The following AGMO variants were observed in gnomAD, a reference collection of about 807,000 sequenced individuals.
The protein encoded by AGMO is glyceryl-ether monooxygenase.
A neutral mutation model predicts 60.2 loss-of-function variants in AGMO; 75 were observed. The observed-to-expected ratio is 1.25, with a 90% confidence interval of 1.03 to 1.51. The LOEUF (loss-of-function observed/expected upper bound fraction) is 1.51. AGMO is among the 40% of genes most tolerant of loss of function. The probability of loss-of-function intolerance (pLI) is 0.00; values close to 1 mark genes in which losing one functional copy is unlikely to be tolerated. For synonymous variants in AGMO, 261 were observed against 177.1 expected (o/e 1.47, Z -3.76); for missense variants, 763 against 525.5 (o/e 1.45, Z -4.42).
At chr7:15,467,265 T>C (rs577710833) in intron 3 of AGMO, among the ~76,000 whole-genome samples, 2 of 152,240 alleles carry the variant, frequency 1.3e-5, no homozygotes, top group South Asian at 4.1e-4. Flanking sequence ...GTGGAACATA[T>C]TGAGTAGCTA....
rs1201979483 is a variant in AGMO, at chr7:15,529,784, A to C, written c.409+14988T>G. 2.3e-4 allele frequency among the ~76,000 whole-genome samples: 22 copies of C among 95,138 alleles called. 8 individuals carry two copies. In the South Asian group the frequency reaches 7.1e-3, roughly 31 times the overall value. The allele number at this position is 95,138 out of a possible 152,430, so 62.4% of individuals were successfully genotyped here. ...TATATTTCTCTATATATATTTCTCT[A>C]TATATATTTCTCTATATATATATTC... On this transcript the variant is annotated intron_variant, in intron 3 of 12. Transcript: ENST00000342526.
intron 12 of AGMO, among the ~76,000 whole-genome samples, chr7:15,311,299 T>C (rs1463530396): frequency 6.6e-6 from 1 of 152,138 alleles, no homozygotes; most frequent in African/African-American, 2.4e-5. Context: ...ACATCTGTGC[T>C]CTAGTAGAGG....
the AGMO span, among the ~76,000 whole-genome samples, chr7:15,180,863 G>A: frequency 5.9e-5 from 9 of 152,158 alleles, no homozygotes; most frequent in Non-Finnish European, 1.3e-4. Context: ...TGGAGGCTAC[G>A]AAGCCCAAGA....
intron 12 of AGMO, among the ~76,000 whole-genome samples, chr7:15,342,378 CATAA>C (rs1378277625): frequency 2.0e-5 from 3 of 151,946 alleles, no homozygotes; most frequent in African/African-American, 7.2e-5. Context: ...GAAATGAATT[CATAA>C]GTGTCTTCCA....
At chr7:15,428,803 C>A (rs960480760) in intron 4 of AGMO, among the ~76,000 whole-genome samples, 1 of 152,008 alleles carries the variant, frequency 6.6e-6, no homozygotes, top group African/African-American at 2.4e-5. Context: ...CAGCTACTTC[C>A]TTTCTTGGAG....
the AGMO span, among the ~76,000 whole-genome samples, chr7:15,120,218 C>T: frequency 3.3e-5 from 5 of 152,162 alleles, no homozygotes; most frequent in Admixed American, 1.3e-4. Context: ...GAAGTCACCC[C>T]CACTAGATTT....
At chr7:15,185,426 A>G in the AGMO span, among the ~76,000 whole-genome samples, 1 of 149,306 alleles carries the variant, frequency 6.7e-6, no homozygotes, top group African/African-American at 2.5e-5. Flanking sequence ...ACCTATGAAC[A>G]TATTTCTGTT....
At chr7:15,522,138 A>T (rs1221011665) in intron 3 of AGMO, among the ~76,000 whole-genome samples, 1 of 152,244 alleles carries the variant, frequency 6.6e-6, no homozygotes, top group Admixed American at 6.5e-5. Context: ...AATACAACTT[A>T]CAAGAGATGT....
At position 15,558,068 on chromosome 7, in the gene AGMO, A is replaced by T. The variant is rs536702400; in HGVS notation, c.257+2073T>A. 1.1e-4 allele frequency among the ~76,000 whole-genome samples: 16 copies of T among 151,390 alleles called. No individual in the cohort carries two copies. In the East Asian group the frequency reaches 2.7e-3, roughly 26 times the overall value. The stretch of plus-strand genomic sequence containing the variant: ...TTTTTGGGGTGTATTTTTTGTAAAA[A>T]TATCTCTTTTATTCTTGTTTTCCTG... On this transcript the variant is annotated intron_variant, in intron 2 of 12. Transcript: ENST00000342526.
intron 4 of AGMO, among the ~76,000 whole-genome samples, chr7:15,423,781 G>T (rs575768157): frequency 6.7e-6 from 1 of 149,756 alleles, no homozygotes; most frequent in South Asian, 2.1e-4. Context: ...CACCAAAGCT[G>T]CAAACCACCA....
intron 3 of AGMO, among the ~76,000 whole-genome samples, chr7:15,496,889 G>A (rs775415271): frequency 3.3e-5 from 5 of 152,014 alleles, no homozygotes; most frequent in African/African-American, 7.2e-5. Flanking sequence ...CCAACCAGCC[G>A]AAACCTCTGA....
At chr7:15,209,225 AAC>A (rs1461087298) in intron 12 of AGMO, among the ~76,000 whole-genome samples, 1 of 152,202 alleles carries the variant, frequency 6.6e-6, no homozygotes, top group Non-Finnish European at 1.5e-5. Flanking sequence ...TCACATGGAT[AAC>A]AGTTTTCAAT....
At chr7:15,232,566 A>C (rs527973016) in intron 12 of AGMO, among the ~76,000 whole-genome samples, 2 of 152,320 alleles carry the variant, frequency 1.3e-5, no homozygotes, top group African/African-American at 4.8e-5. Context: ...AATGAATGTC[A>C]AAGTACATTA....
intron 3 of AGMO, among the ~76,000 whole-genome samples, chr7:15,485,861 A>C (rs1383434081): frequency 6.6e-6 from 1 of 151,874 alleles, no homozygotes; most frequent in Admixed American, 6.6e-5. Flanking sequence ...CTTCATTTCA[A>C]ATTGACCTTA....
chr7:15,245,440 G>A (rs1782712730), intron 12 of AGMO, among the ~76,000 whole-genome samples: 1 of 152,122 alleles, frequency 6.6e-6, no homozygotes, highest in African/African-American at 2.4e-5. Context: ...ATTAGTCCTA[G>A]ATTCCTAATT....
chr7:15,451,614 T>C (rs187414285), intron 3 of AGMO, among the ~76,000 whole-genome samples: 7 of 152,252 alleles, frequency 4.6e-5, no homozygotes, highest in Non-Finnish European at 7.4e-5. Context: ...ACCCCTCTAT[T>C]TGTAAAACAC....
At chr7:15,547,589 G>A (rs555667616) in intron 2 of AGMO, among the ~76,000 whole-genome samples, 4 of 152,102 alleles carry the variant, frequency 2.6e-5, no homozygotes, top group East Asian at 3.9e-4. Flanking sequence ...ACTCCCACAC[G>A]AATATTGCGC....
intron 12 of AGMO, among the ~76,000 whole-genome samples, chr7:15,288,189 A>G (rs755798869): frequency 2.4e-4 from 36 of 152,068 alleles, no homozygotes; most frequent in Admixed American, 3.9e-4. Flanking sequence ...ACGCCCGGCT[A>G]ATTTTTTTTA....
At chr7:15,417,757 G>C (rs1217949578) in intron 5 of AGMO, among the ~76,000 whole-genome samples, 1 of 152,130 alleles carries the variant, frequency 6.6e-6, no homozygotes, top group Non-Finnish European at 1.5e-5. Context: ...GTTGTATCAA[G>C]ATTTCACATA....
Sources: allele counts gnomAD v4.1 joint callset (sites outside exome capture counted in the v4.1 genomes callset), GRCh38; gene constraint gnomAD v4.1.1; transcripts MANE v1.5; gene names NCBI Gene and HGNC (gene_info 2026-07-23, HGNC 2026-07-21).